ARNT: variants seen among roughly 807,000 people sequenced by gnomAD.
The protein encoded by ARNT is class E basic helix-loop-helix protein 2.
ARNT carries 30 observed loss-of-function variants against 105.0 expected under a neutral mutation model. That is an observed-to-expected ratio of 0.29 (90% CI 0.21 to 0.39). The LOEUF is 0.39. Among genes scored for constraint, ARNT ranks in the 10% least tolerant of loss-of-function variants. The pLI is 1.00. For missense variants in ARNT, 748 were observed against 978.7 expected (o/e 0.76, Z 3.15); for synonymous variants, 304 against 344.0 (o/e 0.88, Z 1.29).
chr1:150,852,638 T>G, intron 3 of ARNT, 124 bp downstream of exon 3: 1 of 800,688 alleles, frequency 1.2e-6, no homozygotes, highest in Non-Finnish European at 2.0e-6. Context: ...TATATGAATA[T>G]TTATAGTTTT....
At chr1:150,816,017 G>A (rs1403865720) in intron 19 of ARNT, among the ~76,000 whole-genome samples, 1 of 152,078 alleles carries the variant, frequency 6.6e-6, no homozygotes, top group African/African-American at 2.4e-5. Context: ...AAAATCAGAC[G>A]TGCTCAAAAC....
chr1:150,825,678 G>T (rs372979233), intron 13 of ARNT, among the ~76,000 whole-genome samples: 1 of 151,836 alleles, frequency 6.6e-6, no homozygotes, highest in Admixed American at 6.6e-5. Flanking sequence ...GTGAAACCCC[G>T]CCTCTACTAA....
At chr1:150,860,169 A>C (rs1161943503) in intron 1 of ARNT, among the ~76,000 whole-genome samples, 1 of 150,808 alleles carries the variant, frequency 6.6e-6, no homozygotes, top group Admixed American at 6.6e-5. Context: ...ATCAAATAAC[A>C]CTACCAACAG....
At chr1:150,872,480 G>A (rs1325684699) in intron 1 of ARNT, among the ~76,000 whole-genome samples, 5 of 152,088 alleles carry the variant, frequency 3.3e-5, no homozygotes, top group African/African-American at 4.8e-5. Flanking sequence ...ACAGTAACTT[G>A]TACATAATAG....
At chr1:150,848,375 G>T (rs1214538543) in intron 3 of ARNT, among the ~76,000 whole-genome samples, 1 of 151,832 alleles carries the variant, frequency 6.6e-6, no homozygotes, top group Non-Finnish European at 1.5e-5. Flanking sequence ...AGAATAGCTT[G>T]AACTCAGGAG....
At chr1:150,831,572 C>T (rs1164982435) in intron 10 of ARNT, 1 of 452,818 alleles carries the variant, frequency 2.2e-6, no homozygotes, top group African/African-American at 2.1e-5. Context: ...AATTTGTTCA[C>T]ATAAAAACCA....
At chr1:150,863,756 G>A (rs2102374964) in intron 1 of ARNT, among the ~76,000 whole-genome samples, 1 of 151,568 alleles carries the variant, frequency 6.6e-6, no homozygotes, top group South Asian at 2.1e-4. Context: ...GGCAGAGGTT[G>A]CAGTGAGCCA....
At chr1:150,869,631 G>C (rs1667147234) in intron 1 of ARNT, among the ~76,000 whole-genome samples, 1 of 149,826 alleles carries the variant, frequency 6.7e-6, no homozygotes, top group African/African-American at 2.5e-5. Flanking sequence ...CTGCAGCCCT[G>C]ACCTAGCAAG....
intron 1 of ARNT, among the ~76,000 whole-genome samples, chr1:150,876,205 G>C (rs3820541): frequency 0.074 from 11,230 of 152,218 alleles, 585 homozygotes; most frequent in East Asian, 0.18. Context: ...CGGCTCCAGC[G>C]GGCAGAGGGT....
At chr1:150,842,292 A>C in intron 5 of ARNT, 132 bp downstream of exon 5, 1 of 1,367,298 alleles carries the variant, frequency 7.3e-7, no homozygotes. Flanking sequence ...CAAACTTCTA[A>C]AAAATCTTGT....
intron 1 of ARNT, among the ~76,000 whole-genome samples, chr1:150,866,568 C>T (rs943063307): frequency 6.6e-6 from 1 of 152,044 alleles, no homozygotes; most frequent in African/African-American, 2.4e-5. Context: ...AGAAAGGGAG[C>T]AGAGGACTCC....
At chr1:150,831,173 T>G (rs1012350790) in intron 10 of ARNT, among the ~76,000 whole-genome samples, 9 of 152,186 alleles carry the variant, frequency 5.9e-5, no homozygotes, top group African/African-American at 2.2e-4. Context: ...AAGTTTAACC[T>G]TTTTCCAAAA....
At chr1:150,863,498 G>A (rs1001636990) in intron 1 of ARNT, among the ~76,000 whole-genome samples, 1 of 151,918 alleles carries the variant, frequency 6.6e-6, no homozygotes, top group Non-Finnish European at 1.5e-5. Context: ...CAGCCCATGG[G>A]GAAGTTTCAA....
intron 1 of ARNT, among the ~76,000 whole-genome samples, chr1:150,863,684 C>G (rs587662919): frequency 2.1e-3 from 316 of 151,580 alleles, no homozygotes; most frequent in African/African-American, 7.3e-3. Flanking sequence ...TAAAAAATTA[C>G]CAGGCGCCTG....
At chr1:150,846,146 A>G in intron 4 of ARNT, 117 bp downstream of exon 4, 1 of 795,370 alleles carries the variant, frequency 1.3e-6, no homozygotes, top group Admixed American at 2.6e-5. Context: ...TAGGAAAGAT[A>G]TTAAACAGAG....
Position 150,832,368 on chromosome 1 carries a change from C to A in ARNT, c.835G>T (p.Val279Leu). 6.2e-7 allele frequency: 1 copy of A among 1,614,102 alleles called. No individual in the cohort carries two copies. Among genetic ancestry groups the A allele is most frequent in the Non-Finnish European group, 8.5e-7 (1 of 1,180,002 alleles). ...TTCCTCACAAAGCTCAGCCTATTCACAGAAACTGGGTCCACAGAGCTACTG... is the reference window on the plus strand; with the variant it reads ...TTCCTCACAAAGCTCAGCCTATTCAAAGAAACTGGGTCCACAGAGCTACTG... ...CGSSSVDPVS[V>L]NRLSFVRNRC... The change falls in exon 9 of 22, where the codon GTG becomes TTG. Residue 279 changes from valine (V) to leucine (L), a missense_variant. Physicochemically the swap from Val to Leu is conservative, Grantham distance 32. This residue lies in a region of ARNT where 291 missense variants were observed against 444.6 expected (regional missense o/e 0.65). Transcript: ENST00000358595.
At chr1:150,833,360 AG>A (rs1482914158) in intron 8 of ARNT, among the ~76,000 whole-genome samples, 18 of 152,006 alleles carry the variant, frequency 1.2e-4, no homozygotes, top group Non-Finnish European at 2.6e-4. Flanking sequence ...AAAATTAGCC[AG>A]CTGTGGTGGC....
chr1:150,851,886 A>T (rs1663659690), intron 3 of ARNT, among the ~76,000 whole-genome samples: 3 of 152,018 alleles, frequency 2.0e-5, no homozygotes, highest in Admixed American at 2.0e-4. Flanking sequence ...ATAAAAAAAT[A>T]AAAATACAAA....
At chr1:150,815,282 C>T (rs1237202653) in intron 19 of ARNT, among the ~76,000 whole-genome samples, 2 of 152,140 alleles carry the variant, frequency 1.3e-5, no homozygotes, top group East Asian at 3.8e-4. Context: ...GATGCGGTGG[C>T]TCATGCCTGT....
Sources: allele counts gnomAD v4.1 joint callset (sites outside exome capture counted in the v4.1 genomes callset), GRCh38; gene constraint gnomAD v4.1.1; regional missense constraint gnomAD v4.1.1; transcripts MANE v1.5; gene names NCBI Gene and HGNC (gene_info 2026-07-23, HGNC 2026-07-21).